The following COG5 variants were observed in gnomAD, a reference collection of about 807,000 sequenced individuals.
The protein encoded by COG5 is conserved oligomeric Golgi complex subunit 5.
Under a neutral mutation model 110.4 loss-of-function variants are expected in COG5, and 86 were observed. The observed-to-expected ratio is 0.78, with a 90% CI of 0.65 to 0.93. The LOEUF (loss-of-function observed/expected upper bound fraction) is 0.93. COG5 is among the 40% of genes least tolerant of loss of function. The pLI is 0.00. For synonymous variants in COG5, 360 were observed against 334.6 expected (o/e 1.08, Z -0.83); for missense variants, 1,077 against 987.0 (o/e 1.09, Z -1.22).
intron 6 of COG5, among the ~76,000 whole-genome samples, chr7:107,512,674 G>A (rs1185574453): frequency 6.6e-6 from 1 of 152,202 alleles, no homozygotes. Flanking sequence ...AACCAAAGCA[G>A]CATGGTACTG....
At chr7:107,489,339 T>G (rs1797846108) in intron 6 of COG5, among the ~76,000 whole-genome samples, 1 of 152,118 alleles carries the variant, frequency 6.6e-6, no homozygotes, top group Non-Finnish European at 1.5e-5. Context: ...AAATGATGGT[T>G]GAAAAGAAAA....
At chr7:107,286,142 G>A (rs1179446444) in intron 12 of COG5, among the ~76,000 whole-genome samples, 1 of 151,710 alleles carries the variant, frequency 6.6e-6, no homozygotes, top group Non-Finnish European at 1.5e-5. Context: ...TTTCCATGAG[G>A]AAAGAACAGC....
chr7:107,342,418 C>A (rs1308799881), intron 10 of COG5, among the ~76,000 whole-genome samples: 1 of 150,570 alleles, frequency 6.6e-6, no homozygotes, highest in African/African-American at 2.4e-5. Flanking sequence ...TGGCTCACAC[C>A]TATAATCCCA....
chr7:107,458,027 G>A (rs1795770901), intron 6 of COG5, among the ~76,000 whole-genome samples: 1 of 152,130 alleles, frequency 6.6e-6, no homozygotes, highest in African/African-American at 2.4e-5. Flanking sequence ...TCACAGAACT[G>A]AGGAACAAAG....
At chr7:107,460,156 A>G (rs990457009) in intron 6 of COG5, among the ~76,000 whole-genome samples, 2 of 151,900 alleles carry the variant, frequency 1.3e-5, no homozygotes, top group East Asian at 3.9e-4. Flanking sequence ...TAATCCCAAC[A>G]CTTTTGGAGG....
At chr7:107,503,514 AT>A (rs1238829557) in intron 6 of COG5, among the ~76,000 whole-genome samples, 2 of 151,690 alleles carry the variant, frequency 1.3e-5, no homozygotes, top group African/African-American at 4.8e-5. Flanking sequence ...GAATTTTAGG[AT>A]TTTTTTTCCC....
chr7:107,354,098 T>C (rs1812412011), intron 10 of COG5, among the ~76,000 whole-genome samples: 1 of 152,180 alleles, frequency 6.6e-6, no homozygotes, highest in East Asian at 1.9e-4. Flanking sequence ...CTAAGAAATA[T>C]CATTTTCAAA....
At chr7:107,207,617 A>C (rs1275942362) in intron 21 of COG5, among the ~76,000 whole-genome samples, 2 of 152,238 alleles carry the variant, frequency 1.3e-5, no homozygotes, top group Admixed American at 1.3e-4. Context: ...TCTTTATTGA[A>C]AACACATTCA....
chr7:107,488,825 C>A (rs1050163137), intron 6 of COG5, among the ~76,000 whole-genome samples: 4 of 151,682 alleles, frequency 2.6e-5, no homozygotes, highest in African/African-American at 9.7e-5. Flanking sequence ...CCAACCTGGG[C>A]AACAGAGTAA....
chr7:107,243,614 A>C (rs1300460949), intron 17 of COG5, among the ~76,000 whole-genome samples: 1 of 152,090 alleles, frequency 6.6e-6, no homozygotes, highest in Non-Finnish European at 1.5e-5. Context: ...TAGATCATCA[A>C]GGCAGAAAAT....
intron 10 of COG5, among the ~76,000 whole-genome samples, chr7:107,342,491 A>G (rs1175057247): frequency 6.6e-6 from 1 of 152,032 alleles, no homozygotes; most frequent in East Asian, 1.9e-4. Context: ...AAGCATGGCC[A>G]ACCTGGTGAA....
chr7:107,218,586 G>A (rs1376564057), intron 19 of COG5, among the ~76,000 whole-genome samples: 4 of 152,068 alleles, frequency 2.6e-5, no homozygotes, highest in African/African-American at 7.2e-5. Flanking sequence ...AAGGTGCCAA[G>A]AAAACACAAT....
At chr7:107,511,581 A>G (rs1263300055) in intron 6 of COG5, among the ~76,000 whole-genome samples, 1 of 152,196 alleles carries the variant, frequency 6.6e-6, no homozygotes, top group Non-Finnish European at 1.5e-5. Context: ...AGCCTGGCAG[A>G]GACACAACAA....
chr7:107,229,476 GCTATGATGTAAACAA>G (rs1218365741), intron 19 of COG5, among the ~76,000 whole-genome samples: 2 of 152,092 alleles, frequency 1.3e-5, no homozygotes, highest in East Asian at 3.9e-4. Flanking sequence ...TTCTGTTTGT[GCTATGATGTAAACAA>G]CTTATAAAGT....
intron 6 of COG5, among the ~76,000 whole-genome samples, chr7:107,515,815 A>T (rs1453120482): frequency 6.6e-6 from 1 of 152,248 alleles, no homozygotes; most frequent in African/African-American, 2.4e-5. Flanking sequence ...AAATATCTAT[A>T]AACAATTATT....
chr7:107,527,438 G>T, intron 5 of COG5, 81 bp from the exon 6 acceptor site: 1 of 1,478,600 alleles, frequency 6.8e-7, no homozygotes, highest in Non-Finnish European at 9.3e-7. Flanking sequence ...AAGCACAGTG[G>T]GTTGATAGGT....
At chr7:107,263,114 G>A (rs967420283) in intron 14 of COG5, among the ~76,000 whole-genome samples, 1 of 152,288 alleles carries the variant, frequency 6.6e-6, no homozygotes, top group African/African-American at 2.4e-5. Context: ...GAGTTACAGA[G>A]TAGGTTTTGC....
intron 10 of COG5, among the ~76,000 whole-genome samples, chr7:107,351,839 AG>A (rs1353261325): frequency 6.7e-6 from 1 of 150,082 alleles, no homozygotes; most frequent in Non-Finnish European, 1.5e-5. Flanking sequence ...GTGGAGAAAT[AG>A]GAACACTTTT....
chr7:107,207,682 C>T (rs761548573), intron 21 of COG5, among the ~76,000 whole-genome samples: 72 of 152,248 alleles, frequency 4.7e-4, no homozygotes, highest in Admixed American at 2.0e-4. Context: ...AGGGAGCACA[C>T]GTGTCTGGAG....
Sources: gnomAD v4.1 joint callset for allele counts (sites outside exome capture counted in the v4.1 genomes callset) on GRCh38, gnomAD v4.1.1 for gene constraint, MANE v1.5 for transcripts, NCBI Gene and HGNC (gene_info 2026-07-23, HGNC 2026-07-21) for gene names.